SNTG1: variants seen among roughly 807,000 people sequenced by gnomAD.
SNTG1 encodes the protein gamma-1-syntrophin.
A neutral mutation model predicts 74.7 loss-of-function variants in SNTG1; 39 were observed. The ratio of observed to expected loss-of-function variants is 0.52; its 90% CI spans 0.40 to 0.68. The LOEUF is 0.68. Among genes scored for constraint, SNTG1 ranks in the 30% least tolerant of loss-of-function variants. The pLI, the probability that SNTG1 is intolerant of heterozygous loss-of-function variation, is 0.00. For synonymous variants in SNTG1, 254 were observed against 217.1 expected (o/e 1.17, Z -1.49); for missense variants, 685 against 609.5 (o/e 1.12, Z -1.30).
chr8:50,637,249 C>T (rs563273184), intron 13 of SNTG1, among the ~76,000 whole-genome samples: 5 of 152,120 alleles, frequency 3.3e-5, no homozygotes, highest in South Asian at 4.2e-4. Context: ...AGGTGTTTTA[C>T]GATGATTAAA....
chr8:49,967,827 G>A (rs117741932), intron 1 of SNTG1, among the ~76,000 whole-genome samples: 106 of 152,246 alleles, frequency 7.0e-4, no homozygotes, highest in Admixed American at 2.9e-3. Flanking sequence ...ATAATAAGAT[G>A]CCATCAGCAT....
chr8:50,335,817 ATTATTTTATT>A (rs71233486), intron 2 of SNTG1, among the ~76,000 whole-genome samples: 7,351 of 141,414 alleles, frequency 0.052, 433 homozygotes, highest in South Asian at 0.17. Context: ...TTTATGTTTT[ATTATTTTATT>A]TTATTTTATT....
intron 2 of SNTG1, among the ~76,000 whole-genome samples, chr8:50,312,487 A>G (rs2090153152): frequency 7.2e-6 from 1 of 138,370 alleles, no homozygotes; most frequent in Admixed American, 7.9e-5. Flanking sequence ...GTAACAGAGT[A>G]AAATTGAAAA....
chr8:50,632,959 C>T (rs1178238978), intron 13 of SNTG1, among the ~76,000 whole-genome samples: 1 of 152,152 alleles, frequency 6.6e-6, no homozygotes, highest in Non-Finnish European at 1.5e-5. Flanking sequence ...CTTGCAAAAC[C>T]TCAGACCTTT....
chr8:50,133,762 C>T (rs1038072365), intron 1 of SNTG1, among the ~76,000 whole-genome samples: 1 of 152,180 alleles, frequency 6.6e-6, no homozygotes, highest in Non-Finnish European at 1.5e-5. Context: ...ATGTTGGATT[C>T]AGGGCCCACC....
chr8:49,996,467 C>A (rs1052438382), intron 1 of SNTG1, among the ~76,000 whole-genome samples: 3 of 151,784 alleles, frequency 2.0e-5, no homozygotes, highest in Non-Finnish European at 4.4e-5. Context: ...TCCTTCAGTT[C>A]TAATTTTATC....
chr8:50,791,867 T>C (rs2095691576), intron 18 of SNTG1, among the ~76,000 whole-genome samples: 1 of 151,862 alleles, frequency 6.6e-6, no homozygotes, highest in African/African-American at 2.4e-5. Context: ...ATAATAATAC[T>C]AGCAACATCA....
chr8:50,435,132 CT>C (rs2093287543), intron 4 of SNTG1, among the ~76,000 whole-genome samples: 2 of 151,990 alleles, frequency 1.3e-5, no homozygotes, highest in African/African-American at 2.4e-5. Context: ...TAATACAAGG[CT>C]TTTTTTGTAA....
At chr8:49,947,032 G>A (rs890377494) in intron 1 of SNTG1, among the ~76,000 whole-genome samples, 3 of 152,198 alleles carry the variant, frequency 2.0e-5, no homozygotes, top group African/African-American at 7.2e-5. Context: ...AAGTGTGGTG[G>A]CTCATGCCTG....
intron 18 of SNTG1, among the ~76,000 whole-genome samples, chr8:50,779,266 G>A (rs1191008262): frequency 6.6e-6 from 1 of 152,080 alleles, no homozygotes; most frequent in Admixed American, 6.6e-5. Context: ...TGATGGGGAT[G>A]GCATTGAATC....
At chr8:50,083,440 A>G (rs1436422736) in intron 1 of SNTG1, among the ~76,000 whole-genome samples, 1 of 152,204 alleles carries the variant, frequency 6.6e-6, no homozygotes, top group African/African-American at 2.4e-5. Flanking sequence ...TGTGATGGAT[A>G]CATTTAATCA....
At chr8:50,381,466 GA>G (rs1184266940) in intron 2 of SNTG1, among the ~76,000 whole-genome samples, 4 of 148,940 alleles carry the variant, frequency 2.7e-5, no homozygotes, top group Admixed American at 1.4e-4. Context: ...TTTGTTGTTG[GA>G]AAAAAAATCT....
At position 50,609,443 on chromosome 8, in the gene SNTG1, G is replaced by GT. The variant is rs759348872; in HGVS notation, c.849+18533dup. ...TGATACTTTCCTATATTTGATAAAT[G>GT]TTTTTTTGCTTTCAGTATTTTCTTT... On this transcript the variant is annotated intron_variant, in intron 13 of 18. Coordinates refer to ENST00000642720, the MANE Select transcript of SNTG1 (RefSeq NM_018967.5). 4.6e-5 allele frequency among the ~76,000 whole-genome samples: 7 copies of GT among 152,050 alleles called. No individual in the cohort carries two copies. In the East Asian group the frequency reaches 5.8e-4, roughly 13 times the overall value.
chr8:50,297,345 T>C (rs987490995), intron 2 of SNTG1, among the ~76,000 whole-genome samples: 1 of 152,200 alleles, frequency 6.6e-6, no homozygotes, highest in Non-Finnish European at 1.5e-5. Context: ...AGGACAATTA[T>C]AACAACATAC....
At chr8:50,023,487 C>T (rs1251192549) in intron 1 of SNTG1, among the ~76,000 whole-genome samples, 4 of 152,120 alleles carry the variant, frequency 2.6e-5, no homozygotes, top group Admixed American at 2.0e-4. Flanking sequence ...AACTTATTCT[C>T]CTTAAGGCGA....
chr8:50,740,994 C>T (rs779455690), intron 17 of SNTG1, among the ~76,000 whole-genome samples: 9 of 151,832 alleles, frequency 5.9e-5, no homozygotes, highest in South Asian at 2.1e-4. Flanking sequence ...TATCAGAGGA[C>T]GGAGGTTTGG....
intron 4 of SNTG1, among the ~76,000 whole-genome samples, chr8:50,417,571 G>A (rs1408744279): frequency 6.6e-6 from 1 of 152,058 alleles, no homozygotes; most frequent in Non-Finnish European, 1.5e-5. Flanking sequence ...ATAAATAAGA[G>A]TGTGCTTTTC....
intron 17 of SNTG1, among the ~76,000 whole-genome samples, chr8:50,751,195 G>A (rs540225551): frequency 3.0e-4 from 45 of 152,116 alleles, no homozygotes; most frequent in African/African-American, 7.9e-4. Flanking sequence ...TACATGGTGT[G>A]TGATCATGTT....
intron 13 of SNTG1, among the ~76,000 whole-genome samples, chr8:50,617,680 A>T (rs2094894231): frequency 6.6e-6 from 1 of 152,196 alleles, no homozygotes; most frequent in Non-Finnish European, 1.5e-5. Context: ...AAGGGCTCAC[A>T]ACTCTAAGGG....
Sources: gnomAD v4.1 joint callset for allele counts (sites outside exome capture counted in the v4.1 genomes callset) on GRCh38, gnomAD v4.1.1 for gene constraint, MANE v1.5 for transcripts, NCBI Gene and HGNC (gene_info 2026-07-23, HGNC 2026-07-21) for gene names.